Variants in OPHN1 observed in about 807,000 individuals in gnomAD.
The protein encoded by OPHN1 is oligophrenin-1.
In OPHN1, 11 loss-of-function variants were observed where a neutral mutation model predicts 60.7. The observed-to-expected ratio is 0.18, with a 90% CI of 0.11 to 0.30. The LOEUF (loss-of-function observed/expected upper bound fraction) is 0.30, where lower values mean the gene tolerates loss of function less well. OPHN1 is among the 10% of genes least tolerant of loss of function. The pLI is 1.00. For synonymous variants in OPHN1, 226 were observed against 222.6 expected, an observed-to-expected ratio of 1.02 and a Z score of -0.14; for missense variants, 449 against 611.0, an observed-to-expected ratio of 0.73 and a Z score of 2.80.
intron 2 of OPHN1, among the ~76,000 whole-genome samples, chrX:68,408,771 G>A (rs1372844463): frequency 1.8e-5 from 2 of 112,536 alleles, no homozygotes; most frequent in Non-Finnish European, 3.8e-5. Flanking sequence ...AGACCAGCCT[G>A]GCCAACAGGG....
At chrX:68,132,205 A>G (rs958855518) in intron 15 of OPHN1, among the ~76,000 whole-genome samples, 1 of 109,669 alleles carries the variant, frequency 9.1e-6, no homozygotes, top group Non-Finnish European at 1.9e-5. Context: ...CTGGGTATAT[A>G]CCCAAATGAC....
intron 21 of OPHN1, among the ~76,000 whole-genome samples, chrX:68,061,133 A>C (rs1222957255): frequency 4.5e-5 from 5 of 112,294 alleles, no homozygotes; most frequent in African/African-American, 1.6e-4. Flanking sequence ...TTTGAAAAAA[A>C]GCTGCATCGT....
intron 15 of OPHN1, among the ~76,000 whole-genome samples, chrX:68,120,564 C>T (rs1430002064): frequency 9.0e-6 from 1 of 111,729 alleles, no homozygotes; most frequent in Non-Finnish European, 1.9e-5. Flanking sequence ...GTCCATACTT[C>T]CCAAAGCTTT....
rs377575869 is a variant in OPHN1 at position 68,274,674 on chromosome X, T to G, written c.384+64A>C. 268 of 765,453 alleles carry G rather than the reference T, an allele frequency of 3.5e-4. No individual in the cohort carries two copies. In the African/African-American group the frequency reaches 4.7e-3, roughly 13 times the overall value. The allele number at this position is 765,453 out of a possible 1,213,427, so 63.1% of individuals were successfully genotyped here. A position where few individuals can be genotyped will look rare whatever the true frequency, so the allele number is the denominator to read the frequency against. ...GTGCATATCTTTGTAAAGTGAAGAATAGTAGCCCATACAACTATTCGATTG... is the reference window on the plus strand; with the variant it reads ...GTGCATATCTTTGTAAAGTGAAGAAGAGTAGCCCATACAACTATTCGATTG... On this transcript the variant is annotated intron_variant, in intron 5 of 24. Coordinates refer to ENST00000355520, the MANE Select transcript of OPHN1 (RefSeq NM_002547.3).
intron 15 of OPHN1, among the ~76,000 whole-genome samples, chrX:68,129,932 AGTTAAG>A (rs2077187057): frequency 9.0e-6 from 1 of 111,612 alleles, no homozygotes; most frequent in Non-Finnish European, 1.9e-5. Context: ...AGTTTCTCCA[AGTTAAG>A]GTCTTGCCAG....
At chrX:68,074,066 C>A (rs2076944937) in intron 19 of OPHN1, among the ~76,000 whole-genome samples, 1 of 111,873 alleles carries the variant, frequency 8.9e-6, no homozygotes, top group Non-Finnish European at 1.9e-5. Context: ...CCATGGAGAC[C>A]AACCTTTTAG....
chrX:68,133,206 T>G (rs903735238), intron 15 of OPHN1: 8 of 774,196 alleles, frequency 1.0e-5, no homozygotes, highest in Non-Finnish European at 1.6e-5. Context: ...TCAGCACTCA[T>G]AGCACCTAGC....
At chrX:68,404,809 TA>T (rs1280979363) in intron 2 of OPHN1, among the ~76,000 whole-genome samples, 2 of 111,021 alleles carry the variant, frequency 1.8e-5, no homozygotes, top group African/African-American at 6.6e-5. Flanking sequence ...TCAAGCAAAA[TA>T]AGCCAGTCAC....
intron 20 of OPHN1, among the ~76,000 whole-genome samples, chrX:68,065,516 T>A (rs2076910118): frequency 8.9e-6 from 1 of 111,818 alleles, no homozygotes; most frequent in African/African-American, 3.3e-5. Flanking sequence ...TGTTTCCAAT[T>A]TCTGTTTATG....
intron 15 of OPHN1, among the ~76,000 whole-genome samples, chrX:68,179,259 G>A (rs899691523): frequency 8.9e-6 from 1 of 111,745 alleles, no homozygotes; most frequent in Non-Finnish European, 1.9e-5. Flanking sequence ...AACAAGTATA[G>A]CCTCTCTAAC....
In OPHN1 at chrX:68,051,436, T is replaced by A. The variant is rs895724075; in HGVS notation, c.2375+1104A>T. ...AAAACAAAATAAAACAAAAAAATCA[T>A]ATTCCCAGGCCCCACTACTAGAGAT... is the stretch of plus-strand genomic sequence containing the variant. On this transcript the variant is annotated intron_variant, in intron 23 of 24. Transcript: ENST00000355520. 6.3e-5 allele frequency among the ~76,000 whole-genome samples: 7 copies of A among 111,541 alleles called. No homozygotes were observed. In the Admixed American group the frequency reaches 6.7e-4, roughly 11 times the overall value.
chrX:68,212,331 A>G (rs1162892384), intron 7 of OPHN1, 119 bp from the exon 8 acceptor site: 1 of 522,591 alleles, frequency 1.9e-6, no homozygotes, highest in Admixed American at 2.8e-5. Context: ...TTATGCCTGT[A>G]ATCCCTGCAC....
rs755450143 is a variant in OPHN1 at position 68,149,975 on chromosome X, G to A, written c.1277-30643C>T. 3.0e-3 allele frequency among the ~76,000 whole-genome samples: 338 copies of A among 111,592 alleles called. 2 individuals are homozygous for A. Among genetic ancestry groups the A allele is most frequent in the African/African-American group, 0.01 (311 of 30,755 alleles). The stretch of plus-strand genomic sequence containing the variant: ...AGGGAATATTATTAACTATGACAAA[G>A]CATGAAAAACTGAACATGCTACAAT... On this transcript the variant is annotated intron_variant, in intron 15 of 24. Coordinates refer to ENST00000355520, the MANE Select transcript of OPHN1 (RefSeq NM_002547.3).
chrX:68,112,878 A>G (rs2077111159), intron 17 of OPHN1, among the ~76,000 whole-genome samples: 1 of 112,169 alleles, frequency 8.9e-6, no homozygotes, highest in East Asian at 2.8e-4. Flanking sequence ...ATGTGAGCCA[A>G]TGTTCTTGTT....
At chrX:68,417,870 T>A (rs939543930) in intron 2 of OPHN1, among the ~76,000 whole-genome samples, 1 of 112,592 alleles carries the variant, frequency 8.9e-6, no homozygotes, top group South Asian at 3.6e-4. Flanking sequence ...AGCAACCGCC[T>A]CCTTGCCCAG....
intron 2 of OPHN1, among the ~76,000 whole-genome samples, chrX:68,393,885 G>GTTTTTT (rs1163192446): frequency 0.17 from 5,880 of 34,550 alleles, 2,150 homozygotes; most frequent in Non-Finnish European, 0.24. Context: ...AATAGACTTT[G>GTTTTTT]TTTTTTTTTT....
chrX:68,071,762 C>A (rs935626461), intron 20 of OPHN1: 2 of 457,144 alleles, frequency 4.4e-6, no homozygotes, highest in Non-Finnish European at 7.9e-6. Context: ...TGTTAGAAAG[C>A]GACATTTTGG....
chrX:68,102,378 T>A (rs1164255188), intron 18 of OPHN1, among the ~76,000 whole-genome samples: 1 of 111,991 alleles, frequency 8.9e-6, no homozygotes, highest in Non-Finnish European at 1.9e-5. Flanking sequence ...TAAAGCAGTA[T>A]TCGCAGGGAA....
intron 15 of OPHN1, among the ~76,000 whole-genome samples, chrX:68,121,707 C>T (rs750115254): frequency 5.5e-5 from 6 of 108,962 alleles, no homozygotes; most frequent in Non-Finnish European, 1.1e-4. Context: ...GCCATGGTGG[C>T]TATGGGAGTC....
Sources: gnomAD v4.1 joint callset for allele counts (sites outside exome capture counted in the v4.1 genomes callset) on GRCh38, gnomAD v4.1.1 for gene constraint, MANE v1.5 for transcripts, NCBI Gene and HGNC (gene_info 2026-07-23, HGNC 2026-07-21) for gene names.